The following POLR1B variants were observed in gnomAD, a reference collection of about 807,000 sequenced individuals.
POLR1B encodes RNA polymerase I subunit B.
In POLR1B, 30 loss-of-function variants were observed where a neutral mutation model predicts 105.8. That is an observed-to-expected ratio of 0.28 (90% CI 0.21 to 0.38). The LOEUF is 0.38. POLR1B is among the 10% of genes least tolerant of loss of function. The pLI is 1.00. For missense variants in POLR1B, 976 were observed against 1,435.8 expected (o/e 0.68, Z 5.17); for synonymous variants, 485 against 505.1 (o/e 0.96, Z 0.53).
At chr2:112,572,510 A>AT in intron 12 of POLR1B, 52 bp from the exon 13 acceptor site, 1 of 1,365,214 alleles carries the variant, frequency 7.3e-7, no homozygotes, top group Admixed American at 2.3e-5. Context: ...TATCACACCT[A>AT]TAATCAAGAT....
Position 112,551,902 on chromosome 2 carries a change from A to G in POLR1B, c.890A>G (p.Gln297Arg). 1 of 1,613,984 alleles carries G rather than the reference A, an allele frequency of 6.2e-7. No individual in the cohort carries two copies. The change falls in exon 6 of 15, where the codon CAA (glutamine) becomes CGA (arginine). Residue 297 changes from glutamine (Q) to arginine (R), a missense_variant. Gln to Arg is a conservative substitution (Grantham distance 43). This residue lies in a region of POLR1B where 452 missense variants were observed against 616.5 expected (regional missense o/e 0.73). Coordinates refer to ENST00000263331, the MANE Select transcript of POLR1B (RefSeq NM_019014.6). ...GTAATGGAAGAGGGTTGTTCGACAC[A>G]AAAACAGGTCCTTAACTACCTAGGT... Reference protein sequence around the residue: ...RIVMEEGCSTQKQVLNYLGEC... With the variant: ...RIVMEEGCSTRKQVLNYLGEC...
chr2:112,572,842 TG>T, intron 13 of POLR1B, 84 bp downstream of exon 13: 1 of 1,273,998 alleles, frequency 7.8e-7, no homozygotes, highest in Non-Finnish European at 1.1e-6. Context: ...GGAATATTTT[TG>T]TGTACCCAAG....
At chr2:112,556,263 C>A (rs567133150) in intron 7 of POLR1B, among the ~76,000 whole-genome samples, 1 of 150,432 alleles carries the variant, frequency 6.6e-6, no homozygotes, top group Non-Finnish European at 1.5e-5. Flanking sequence ...TCCAAACCTA[C>A]ATTAATACCC....
intron 7 of POLR1B, 64 bp from the exon 8 acceptor site, chr2:112,557,846 T>G (rs1683748117): frequency 1.1e-6 from 1 of 946,892 alleles, no homozygotes; most frequent in African/African-American, 1.7e-5. Context: ...CCTGGGATTA[T>G]AGATGTGAGC....
intron 3 of POLR1B, 65 bp downstream of exon 3, chr2:112,547,632 A>C (rs1410656793): frequency 6.6e-7 from 1 of 1,521,534 alleles, no homozygotes; most frequent in East Asian, 2.3e-5. Flanking sequence ...GAAGACAAGA[A>C]GTGTGTCAGT....
chr2:112,568,512 CT>C (rs1219625455), intron 11 of POLR1B, among the ~76,000 whole-genome samples: 1 of 152,136 alleles, frequency 6.6e-6, no homozygotes, highest in African/African-American at 2.4e-5. Context: ...AAAAATTTTT[CT>C]TCCTATTCCC....
chr2:112,547,847 G>GTT (rs140531624), intron 3 of POLR1B, among the ~76,000 whole-genome samples: 53 of 147,570 alleles, frequency 3.6e-4, no homozygotes, highest in African/African-American at 9.9e-4. Flanking sequence ...CACAAAATTT[G>GTT]TTTTTTTTTT....
chr2:112,568,996 T>C, intron 12 of POLR1B, 94 bp downstream of exon 12: 1 of 1,319,202 alleles, frequency 7.6e-7, no homozygotes, highest in South Asian at 1.5e-5. Context: ...ATGCTGACCA[T>C]TTGTTCCAAA....
intron 3 of POLR1B, 146 bp downstream of exon 3, chr2:112,547,713 G>A (rs1683131859): frequency 1.3e-6 from 1 of 799,662 alleles, no homozygotes; most frequent in Non-Finnish European, 1.9e-6. Context: ...TACAGTGTAT[G>A]GCTCTGAATA....
intron 1 of POLR1B, 166 bp downstream of exon 1, chr2:112,542,837 G>T (rs992709504): frequency 1.2e-5 from 10 of 800,718 alleles, no homozygotes; most frequent in African/African-American, 1.7e-5. Context: ...ACTGGCCTTC[G>T]TGAGACTTGG....
At chr2:112,574,708 T>TGA (rs984189825) in intron 14 of POLR1B, 139 bp from the exon 15 acceptor site, 5 of 792,092 alleles carry the variant, frequency 6.3e-6, no homozygotes, top group Non-Finnish European at 9.4e-6. Context: ...GGCAACAGAG[T>TGA]GAGACCCTGT....
At chr2:112,573,392 C>T (rs746494341) in intron 13 of POLR1B, among the ~76,000 whole-genome samples, 170 bp from the exon 14 acceptor site, 6 of 152,184 alleles carry the variant, frequency 3.9e-5, no homozygotes, top group Non-Finnish European at 7.3e-5. Context: ...CGTGAGCCAC[C>T]GTGCCCAGCC....
intron 1 of POLR1B, among the ~76,000 whole-genome samples, chr2:112,546,168 C>G (rs2104506029): frequency 6.6e-6 from 1 of 152,272 alleles, no homozygotes; most frequent in African/African-American, 2.4e-5. Context: ...AACAGCAAAG[C>G]TTCCCCTACA....
intron 10 of POLR1B, among the ~76,000 whole-genome samples, chr2:112,566,427 G>A (rs1351863688): frequency 6.6e-6 from 1 of 152,188 alleles, no homozygotes; most frequent in African/African-American, 2.4e-5. Context: ...TAATATTACT[G>A]TGATGGTTAC....
In POLR1B at chr2:112,575,756, G is replaced by A; in HGVS notation, c.*27G>A. 6.3e-7 allele frequency: 1 copy of A among 1,586,960 alleles called. No individual in the cohort carries two copies. Among genetic ancestry groups the A allele is most frequent in the Non-Finnish European group, 8.6e-7 (1 of 1,167,226 alleles). On this transcript the variant is annotated 3_prime_UTR_variant, in exon 15 of 15. Coordinates refer to ENST00000263331, the MANE Select transcript of POLR1B (RefSeq NM_019014.6). The surrounding 1 kb of genome is among the most constrained non-coding windows in gnomAD (Gnocchi z 5.3). ...TTGATGTTGACCTTTTGGATTAAGA[G>A]GACTATCAGATTAAAGCAAAATGTA...
rs753674957 is a variant in POLR1B, at chr2:112,575,671, G to A, written c.3350G>A (p.Arg1117Gln). Residue 1117 changes from arginine to glutamine, a missense_variant, in exon 15 of 15, where the codon CGG (arginine) becomes CAG (glutamine). Arg to Gln is a conservative substitution (Grantham distance 43, BLOSUM62 1). Around this residue, in one of 12 missense-constraint regions of POLR1B, gnomAD observed 77 missense variants for 104.5 expected, o/e 0.74. Coordinates refer to ENST00000263331, the MANE Select transcript of POLR1B (RefSeq NM_019014.6). The surrounding 1 kb of genome is among the most constrained non-coding windows in gnomAD (Gnocchi z 5.3). ...IDTVSVPYVF[R>Q]YFVAELAAMN... ...ACTGTTTCTGTGCCTTATGTTTTTCGGTATTTTGTAGCTGAACTGGCAGCT... is the reference window on the plus strand; with the variant it reads ...ACTGTTTCTGTGCCTTATGTTTTTCAGTATTTTGTAGCTGAACTGGCAGCT... The A allele has an allele frequency of 5.0e-6, 8 of 1,613,796 alleles. No homozygotes were observed. The highest frequency in any genetic ancestry group is 1.7e-4 in the Middle Eastern group (1 of 6,036).
At chr2:112,565,201 T>A (rs1342874333) in intron 10 of POLR1B, among the ~76,000 whole-genome samples, 1 of 152,238 alleles carries the variant, frequency 6.6e-6, no homozygotes, top group East Asian at 1.9e-4. Context: ...ATTCTTATAT[T>A]CCTATAAGTG....
At chr2:112,543,561 A>G (rs1051134076) in intron 1 of POLR1B, among the ~76,000 whole-genome samples, 4 of 152,178 alleles carry the variant, frequency 2.6e-5, no homozygotes, top group African/African-American at 7.2e-5. Flanking sequence ...GCAGAGTCAC[A>G]TGCTTCGGGG....
intron 9 of POLR1B, among the ~76,000 whole-genome samples, chr2:112,560,904 C>A (rs1683946758): frequency 6.6e-6 from 1 of 151,906 alleles, no homozygotes; most frequent in African/African-American, 2.4e-5. Flanking sequence ...TAAATATACA[C>A]ACACAAAAAA....
Sources: allele counts gnomAD v4.1 joint callset (sites outside exome capture counted in the v4.1 genomes callset), GRCh38; gene constraint gnomAD v4.1.1; regional missense constraint gnomAD v4.1.1; non-coding constraint Gnocchi (gnomAD v3.1); transcripts MANE v1.5; gene names NCBI Gene and HGNC (gene_info 2026-07-23, HGNC 2026-07-21).